PCMTD1: variants seen among roughly 807,000 people sequenced by gnomAD.
The protein encoded by PCMTD1 is protein-L-isoaspartate (D-aspartate) O-methyltransferase domain containing 1, also known as protein-L-isoaspartate O-methyltransferase domain-containing protein 1.
A neutral mutation model predicts 37.6 loss-of-function variants in PCMTD1; 12 were observed. That is an observed-to-expected ratio of 0.32 (90% CI 0.20 to 0.52). The LOEUF (loss-of-function observed/expected upper bound fraction) is 0.52, where lower values mean the gene tolerates loss of function less well. PCMTD1 is among the 20% of genes least tolerant of loss of function. PCMTD1 has a pLI of 0.97. For synonymous variants in PCMTD1, 117 were observed against 135.8 expected, an observed-to-expected ratio of 0.86 and a Z score of 0.96; for missense variants, 235 against 421.3, an observed-to-expected ratio of 0.56 and a Z score of 3.87.
At chr8:51,874,451 T>TAGTC (rs1484444573) in intron 1 of PCMTD1, among the ~76,000 whole-genome samples, 1 of 151,942 alleles carries the variant, frequency 6.6e-6, no homozygotes, top group Admixed American at 6.6e-5. Context: ...GTCCCAGAGA[T>TAGTC]AGTCTTTGCT....
At chr8:51,841,605 T>C (rs1229012163) in intron 3 of PCMTD1, among the ~76,000 whole-genome samples, 1 of 152,232 alleles carries the variant, frequency 6.6e-6, no homozygotes, top group African/African-American at 2.4e-5. Flanking sequence ...TAATTCATTT[T>C]GAAAGTATTT....
At chr8:51,861,723 TTA>T (rs1491082990) in intron 1 of PCMTD1, among the ~76,000 whole-genome samples, 2 of 143,994 alleles carry the variant, frequency 1.4e-5, no homozygotes, top group African/African-American at 5.8e-5. Context: ...TGTTTTTTTT[TTA>T]ATTTTTTTTT....
intron 1 of PCMTD1, among the ~76,000 whole-genome samples, chr8:51,867,443 G>C (rs1407115630): frequency 6.6e-6 from 1 of 150,904 alleles, no homozygotes; most frequent in Non-Finnish European, 1.5e-5. Context: ...AGCAAGCTAG[G>C]TGTCCATCAT....
chr8:51,880,713 C>G (rs1015938719), intron 1 of PCMTD1, among the ~76,000 whole-genome samples: 5 of 152,204 alleles, frequency 3.3e-5, no homozygotes, highest in African/African-American at 4.8e-5. Flanking sequence ...TCTGCCACTA[C>G]AGTCAATGTC....
chr8:51,854,424 G>A (rs192990165), intron 2 of PCMTD1, among the ~76,000 whole-genome samples: 65 of 152,150 alleles, frequency 4.3e-4, no homozygotes, highest in African/African-American at 1.4e-3. Flanking sequence ...TCCATACAGA[G>A]AACAAGAGCA....
chr8:51,889,486 G>C (rs1052209107), intron 1 of PCMTD1, among the ~76,000 whole-genome samples: 1 of 152,172 alleles, frequency 6.6e-6, no homozygotes, highest in Admixed American at 6.5e-5. Context: ...AACTGAGGTT[G>C]AGTTCTAGAT....
intron 2 of PCMTD1, among the ~76,000 whole-genome samples, chr8:51,856,527 T>A (rs1330773671): frequency 6.6e-6 from 1 of 152,190 alleles, no homozygotes; most frequent in Non-Finnish European, 1.5e-5. Flanking sequence ...GAAATGAAAA[T>A]GTATATCCAC....
At chr8:51,894,726 T>C (rs1368339650) in intron 1 of PCMTD1, among the ~76,000 whole-genome samples, 1 of 151,304 alleles carries the variant, frequency 6.6e-6, no homozygotes, top group Non-Finnish European at 1.5e-5. Context: ...TTGCTGTGTA[T>C]ATGGCTGCTG....
chr8:51,833,018 A>G (rs1301436272), intron 4 of PCMTD1, among the ~76,000 whole-genome samples: 2 of 151,994 alleles, frequency 1.3e-5, no homozygotes, highest in South Asian at 2.1e-4. Flanking sequence ...TAATTTTTGT[A>G]TCTGTTTGTA....
intron 1 of PCMTD1, among the ~76,000 whole-genome samples, chr8:51,867,656 GTATGAACC>G (rs2038576777): frequency 1.3e-5 from 2 of 151,872 alleles, no homozygotes; most frequent in African/African-American, 2.4e-5. Flanking sequence ...GCAATAACAT[GTATGAACC>G]TGTAAGACAT....
In PCMTD1 at chr8:51,817,902, C is replaced by T; in HGVS notation, c.*2449G>A. On this transcript the variant is annotated 3_prime_UTR_variant, in exon 6 of 6. Coordinates refer to ENST00000522514, the MANE Select transcript of PCMTD1 (RefSeq NM_052937.4). Reference sequence around the variant, plus strand: ...ACTGTATGTTTCAGGCAAAACATGCCACGGTTCTAGGTCTGTTTTCTCATC... The same window carrying T: ...ACTGTATGTTTCAGGCAAAACATGCTACGGTTCTAGGTCTGTTTTCTCATC... 2.2e-6 allele frequency: 1 copy of T among 456,824 alleles called. No homozygotes were observed. Among genetic ancestry groups the T allele is most frequent in the Non-Finnish European group, 4.4e-6 (1 of 226,984 alleles). 28.3% of individuals were successfully genotyped at this position (456,824 alleles called of 1,614,324 possible).
intron 5 of PCMTD1, among the ~76,000 whole-genome samples, chr8:51,825,700 CAAAAAA>C (rs1221587696): frequency 9.2e-3 from 64 of 6,934 alleles, no homozygotes; most frequent in African/African-American, 0.013. Context: ...GACTCCGTCT[CAAAAAA>C]AAAAAAAAAA....
chr8:51,817,846 T>G lies in PCMTD1; in HGVS notation c.*2505A>C. 1 of 456,794 alleles carries G rather than the reference T, an allele frequency of 2.2e-6. No individual in the cohort carries two copies. The highest frequency in any genetic ancestry group is 4.4e-6 in the Non-Finnish European group (1 of 226,992). 28.3% of individuals were successfully genotyped at this position (456,794 alleles called of 1,614,324 possible). On this transcript the variant is annotated 3_prime_UTR_variant, in exon 6 of 6. Transcript: ENST00000522514. Reference sequence around the variant, plus strand: ...TGGATTCTTGGGATTGATCTGATGCTAGAAGCTATCTTAGGCCCTGTCTCT... The same window carrying G: ...TGGATTCTTGGGATTGATCTGATGCGAGAAGCTATCTTAGGCCCTGTCTCT...
At chr8:51,839,232 T>A (rs553089523) in intron 3 of PCMTD1, among the ~76,000 whole-genome samples, 17 of 152,200 alleles carry the variant, frequency 1.1e-4, no homozygotes, top group African/African-American at 3.9e-4. Flanking sequence ...AACCACAAAA[T>A]CATTCATTCT....
intron 1 of PCMTD1, among the ~76,000 whole-genome samples, chr8:51,883,124 G>A (rs1475872196): frequency 2.0e-5 from 3 of 151,924 alleles, no homozygotes; most frequent in African/African-American, 7.3e-5. Flanking sequence ...GCGACACAGC[G>A]AGATTCCGTC....
At position 51,818,001 on chromosome 8, in the gene PCMTD1, A is replaced by G. The variant is rs1284918684; in HGVS notation, c.*2350T>C. The G allele has an allele frequency of 6.6e-6, 3 of 452,944 alleles. No individual in the cohort carries two copies. In the Admixed American group the frequency reaches 7.1e-5, roughly 11 times the overall value. 28.1% of individuals were successfully genotyped at this position (452,944 alleles called of 1,614,324 possible). On this transcript the variant is annotated 3_prime_UTR_variant, in exon 6 of 6. Transcript: ENST00000522514. ...ATAAAATTCCAATACTATATTCCCC[A>G]TCATTTTCACTTACTTTTACTTAAT...
At chr8:51,850,302 C>T (rs997633691) in intron 2 of PCMTD1, among the ~76,000 whole-genome samples, 7 of 152,144 alleles carry the variant, frequency 4.6e-5, no homozygotes, top group Admixed American at 3.9e-4. Flanking sequence ...GTGCTCTCCC[C>T]CCATATACAG....
intron 5 of PCMTD1, among the ~76,000 whole-genome samples, chr8:51,827,915 C>T (rs1004947236): frequency 1.8e-4 from 27 of 152,100 alleles, no homozygotes; most frequent in African/African-American, 5.1e-4. Flanking sequence ...GGCAGTCTTA[C>T]CAGCTACTCA....
chr8:51,836,337 A>T (rs1411494353), intron 3 of PCMTD1, among the ~76,000 whole-genome samples: 1 of 152,244 alleles, frequency 6.6e-6, no homozygotes, highest in Non-Finnish European at 1.5e-5. Context: ...ACAATGTAAA[A>T]TATCTAATTC....
Sources: allele counts gnomAD v4.1 joint callset (sites outside exome capture counted in the v4.1 genomes callset), GRCh38; gene constraint gnomAD v4.1.1; transcripts MANE v1.5; gene names NCBI Gene and HGNC (gene_info 2026-07-23, HGNC 2026-07-21).